The following AK9 variants were observed in gnomAD, a reference collection of about 807,000 sequenced individuals.
The protein encoded by AK9 is adenylate kinase 9, also known as adenylate kinase domain containing 1.
In AK9, 191 loss-of-function variants were observed where a neutral mutation model predicts 239.6. The ratio of observed to expected loss-of-function variants is 0.80; its 90% confidence interval spans 0.71 to 0.90. AK9 has a LOEUF of 0.90. AK9 is among the 40% of genes least tolerant of loss of function. AK9 has a pLI of 0.00. For synonymous variants in AK9, 689 were observed against 721.0 expected (o/e 0.96, Z 0.71); for missense variants, 1,995 against 2,214.7 (o/e 0.90, Z 1.99).
At chr6:109,688,694 G>A (rs763348473) in intron 1 of AK9, among the ~76,000 whole-genome samples, 1 of 152,136 alleles carries the variant, frequency 6.6e-6, no homozygotes, top group Non-Finnish European at 1.5e-5. Context: ...AGAGGTCCTG[G>A]GTCTGGTGGA....
At chr6:109,621,544 A>G (rs1284260019) in intron 12 of AK9, among the ~76,000 whole-genome samples, 24 of 56,858 alleles carry the variant, frequency 4.2e-4, no homozygotes, top group Admixed American at 2.4e-4. Flanking sequence ...CATATACACC[A>G]TGGAATACTA....
At chr6:109,514,576 G>T in intron 31 of AK9, 139 bp from the exon 32 acceptor site, 1 of 747,928 alleles carries the variant, frequency 1.3e-6, no homozygotes, top group Non-Finnish European at 2.1e-6. Flanking sequence ...ATAATCAAAG[G>T]TTAATATTAA....
chr6:109,564,710 T>TTTA (rs1786239507), intron 22 of AK9, 46 bp downstream of exon 22: 2 of 1,420,130 alleles, frequency 1.4e-6, no homozygotes, highest in Non-Finnish European at 1.9e-6. Context: ...TAAGAAAATA[T>TTTA]GAAAAGTACT....
chr6:109,682,921 C>G (rs1772892217), intron 1 of AK9, among the ~76,000 whole-genome samples: 1 of 152,230 alleles, frequency 6.6e-6, no homozygotes, highest in East Asian at 1.9e-4. Context: ...ATCCTGATAC[C>G]AAAACCTGGG....
chr6:109,606,475 T>A (rs1792898885), intron 17 of AK9, among the ~76,000 whole-genome samples: 1 of 152,056 alleles, frequency 6.6e-6, no homozygotes, highest in Non-Finnish European at 1.5e-5. Context: ...GCAGAGCAAA[T>A]CATGTTAATG....
At chr6:109,672,037 G>T (rs1320112957) in intron 4 of AK9, 22 bp from the exon 5 acceptor site, 1 of 1,607,744 alleles carries the variant, frequency 6.2e-7, no homozygotes, top group Non-Finnish European at 8.5e-7. Flanking sequence ...CATAGATATT[G>T]TACATTACTG....
At chr6:109,538,453 T>G (rs1389136939) in intron 27 of AK9, among the ~76,000 whole-genome samples, 4 of 152,098 alleles carry the variant, frequency 2.6e-5, no homozygotes, top group Admixed American at 6.6e-5. Context: ...TTTTCCATTT[T>G]CTTGGTAGAT....
At chr6:109,546,748 A>G (rs890601858) in intron 25 of AK9, among the ~76,000 whole-genome samples, 1 of 152,204 alleles carries the variant, frequency 6.6e-6, no homozygotes, top group Non-Finnish European at 1.5e-5. Flanking sequence ...AAGGAGAAAA[A>G]TTAGAATGAC....
intron 35 of AK9, among the ~76,000 whole-genome samples, chr6:109,504,759 A>G (rs1777943787): frequency 6.6e-6 from 1 of 152,124 alleles, no homozygotes; most frequent in South Asian, 2.1e-4. Context: ...CAGTGAGCAG[A>G]GATCACACCA....
intron 12 of AK9, 76 bp downstream of exon 12, chr6:109,632,847 T>C: frequency 2.7e-6 from 4 of 1,458,184 alleles, no homozygotes; most frequent in Middle Eastern, 2.0e-4. Flanking sequence ...CGAGTATAGA[T>C]ACATGACAGA....
chr6:109,684,490 A>G (rs1260738704), intron 1 of AK9, among the ~76,000 whole-genome samples: 3 of 152,196 alleles, frequency 2.0e-5, no homozygotes, highest in African/African-American at 7.2e-5. Flanking sequence ...AATTGTTGCA[A>G]TCTATCCCTC....
chr6:109,589,582 T>C (rs1370411047), intron 17 of AK9, among the ~76,000 whole-genome samples: 1 of 152,198 alleles, frequency 6.6e-6, no homozygotes, highest in Non-Finnish European at 1.5e-5. Context: ...ACCTGATTGC[T>C]ATAGCTAGGA....
At chr6:109,605,806 G>A (rs369215236) in intron 17 of AK9, among the ~76,000 whole-genome samples, 9 of 152,140 alleles carry the variant, frequency 5.9e-5, no homozygotes, top group Non-Finnish European at 1.0e-4. Flanking sequence ...CGGCCACACA[G>A]CTTTATTTTG....
chr6:109,538,995 C>T (rs372926846), intron 27 of AK9, among the ~76,000 whole-genome samples: 1 of 152,148 alleles, frequency 6.6e-6, no homozygotes, highest in African/African-American at 2.4e-5. Flanking sequence ...GGTGGGCTTC[C>T]CTTTTTGGTT....
At chr6:109,515,822 G>A in intron 31 of AK9, 35 bp downstream of exon 31, 3 of 1,478,582 alleles carry the variant, frequency 2.0e-6, no homozygotes, top group South Asian at 2.5e-5. Flanking sequence ...AAATAAATAA[G>A]GAACATGGCT....
intron 13 of AK9, among the ~76,000 whole-genome samples, chr6:109,617,576 T>C (rs1283639410): frequency 6.6e-6 from 1 of 152,168 alleles, no homozygotes; most frequent in Non-Finnish European, 1.5e-5. Context: ...TTAGTAATTG[T>C]TATTTGTAAC....
chr6:109,656,704 T>C (rs1166709036), intron 8 of AK9, 52 bp downstream of exon 8: 2 of 1,510,162 alleles, frequency 1.3e-6, no homozygotes, highest in Admixed American at 3.7e-5. Context: ...ACTTAACCAG[T>C]GATGAAACAC....
intron 20 of AK9, among the ~76,000 whole-genome samples, chr6:109,578,079 G>T (rs906191208): frequency 4.0e-5 from 6 of 151,334 alleles, no homozygotes; most frequent in Admixed American, 3.9e-4. Flanking sequence ...TTACAGGCGT[G>T]CACCACCACG....
At chr6:109,566,851 G>A (rs554857365) in intron 21 of AK9, among the ~76,000 whole-genome samples, 72 of 152,174 alleles carry the variant, frequency 4.7e-4, no homozygotes, top group Non-Finnish European at 6.5e-4. Context: ...ACGAAATGAA[G>A]GCAGAAATAA....
Sources: allele counts gnomAD v4.1 joint callset (sites outside exome capture counted in the v4.1 genomes callset), GRCh38; gene constraint gnomAD v4.1.1; transcripts MANE v1.5; gene names NCBI Gene and HGNC (gene_info 2026-07-23, HGNC 2026-07-21).